Variants in EPB41L5 observed in about 807,000 individuals in gnomAD.
EPB41L5 encodes band 4.1-like protein 5.
EPB41L5 carries 55 observed loss-of-function variants against 106.6 expected under a neutral mutation model. The observed-to-expected ratio is 0.52, with a 90% CI of 0.42 to 0.65. EPB41L5 has a LOEUF of 0.65. EPB41L5 is among the 30% of genes least tolerant of loss of function. The probability of loss-of-function intolerance (pLI) is 0.00; values close to 1 mark genes in which losing one functional copy is unlikely to be tolerated. For synonymous variants in EPB41L5, 297 were observed against 306.7 expected (o/e 0.97, Z 0.33); for missense variants, 871 against 882.1 (o/e 0.99, Z 0.16).
In EPB41L5 at chr2:120,076,985, T is replaced by C; in HGVS notation, c.520T>C (p.Tyr174His). The C allele has an allele frequency of 6.2e-7, 1 of 1,602,178 alleles. No homozygotes were observed. The change falls in exon 8 of 25, where the codon TAT (tyrosine) becomes CAT (histidine). Residue 174 changes from tyrosine to histidine, a missense_variant. Tyr to His is a moderately conservative substitution (Grantham distance 83). Transcript: ENST00000263713. ...TATGTTTATAGCTGAACTTGGTGACTATGATCTTGCTGAGCATAGTCCTGA... is the reference window on the plus strand; with the variant it reads ...TATGTTTATAGCTGAACTTGGTGACCATGATCTTGCTGAGCATAGTCCTGA... ...AYNLQAELGD[Y>H]DLAEHSPELV...
chr2:120,038,414 T>A (rs980301876), intron 2 of EPB41L5, among the ~76,000 whole-genome samples: 1 of 152,236 alleles, frequency 6.6e-6, no homozygotes, highest in African/African-American at 2.4e-5. Flanking sequence ...GGAATTGTTA[T>A]ACACTTTCAG....
At chr2:120,071,848 A>T (rs1681890282) in intron 3 of EPB41L5, among the ~76,000 whole-genome samples, 1 of 152,206 alleles carries the variant, frequency 6.6e-6, no homozygotes, top group African/African-American at 2.4e-5. Flanking sequence ...CCTAGGCAGT[A>T]CCATGCAGGA....
intron 16 of EPB41L5, chr2:120,106,950 C>T: frequency 1.1e-6 from 1 of 910,600 alleles, no homozygotes; most frequent in Non-Finnish European, 1.3e-6. Flanking sequence ...TGAAAAGCAC[C>T]TAGTATACAA....
At chr2:120,146,412 A>C in intron 20 of EPB41L5, 123 bp downstream of exon 20, 1 of 661,970 alleles carries the variant, frequency 1.5e-6, no homozygotes. Context: ...AATTCACTCT[A>C]TTGTATCCAT....
intron 10 of EPB41L5, 70 bp downstream of exon 10, chr2:120,078,651 A>G (rs1056656153): frequency 4.1e-5 from 42 of 1,016,296 alleles, no homozygotes; most frequent in Admixed American, 1.4e-4. Context: ...AAGTTAATAC[A>G]TAAACAAGTT....
chr2:120,078,808 T>C (rs1344530613), intron 10 of EPB41L5, among the ~76,000 whole-genome samples: 1 of 152,194 alleles, frequency 6.6e-6, no homozygotes, highest in East Asian at 1.9e-4. Context: ...TACCACAATC[T>C]ATATCTTGAT....
intron 2 of EPB41L5, among the ~76,000 whole-genome samples, chr2:120,027,328 A>G (rs1255922739): frequency 6.6e-6 from 1 of 152,248 alleles, no homozygotes; most frequent in African/African-American, 2.4e-5. Flanking sequence ...TAAAACCTGT[A>G]ATATCCATAT....
chr2:120,052,809 A>G (rs1680376401), intron 3 of EPB41L5, among the ~76,000 whole-genome samples: 8 of 152,162 alleles, frequency 5.3e-5, no homozygotes, highest in Admixed American at 4.6e-4. Flanking sequence ...GTTTATGTTT[A>G]TTTCTCCATA....
intron 13 of EPB41L5, among the ~76,000 whole-genome samples, chr2:120,092,705 T>C (rs1272682092): frequency 1.3e-5 from 2 of 152,222 alleles, no homozygotes; most frequent in East Asian, 1.9e-4. Context: ...TTGGTGTGGC[T>C]GTAAATTAAA....
chr2:120,045,033 C>T (rs573396017), intron 3 of EPB41L5, among the ~76,000 whole-genome samples: 140 of 152,128 alleles, frequency 9.2e-4, no homozygotes, highest in Non-Finnish European at 1.4e-3. Flanking sequence ...TATTCAACCT[C>T]AGAATGAAAT....
intron 13 of EPB41L5, 149 bp downstream of exon 13, chr2:120,091,810 G>A (rs936638042): frequency 2.1e-5 from 13 of 622,664 alleles, no homozygotes; most frequent in African/African-American, 2.0e-4. Context: ...CAATTTCATG[G>A]GATACACAGA....
intron 2 of EPB41L5, among the ~76,000 whole-genome samples, chr2:120,021,686 A>G (rs1325612424): frequency 6.6e-6 from 1 of 152,204 alleles, no homozygotes; most frequent in Non-Finnish European, 1.5e-5. Context: ...GTGAAATCGT[A>G]CTTATTAACC....
intron 16 of EPB41L5, chr2:120,105,309 T>C: frequency 1.0e-6 from 1 of 958,548 alleles, no homozygotes; most frequent in Non-Finnish European, 1.2e-6. Flanking sequence ...ATTTTTAAAC[T>C]ATGTACATAG....
intron 22 of EPB41L5, among the ~76,000 whole-genome samples, chr2:120,166,541 G>A (rs1048820515): frequency 2.0e-5 from 3 of 151,890 alleles, no homozygotes; most frequent in African/African-American, 4.8e-5. Context: ...GCCTCCAAGC[G>A]ATTCTCCTGC....
chr2:120,041,131 C>T (rs139591458), intron 2 of EPB41L5, among the ~76,000 whole-genome samples: 13 of 151,986 alleles, frequency 8.6e-5, no homozygotes, highest in African/African-American at 1.5e-4. Flanking sequence ...TTTATGTTAA[C>T]GTAATATAAA....
intron 22 of EPB41L5, among the ~76,000 whole-genome samples, chr2:120,165,850 G>A (rs1044839060): frequency 2.2e-4 from 33 of 151,704 alleles, no homozygotes; most frequent in Admixed American, 6.6e-4. Context: ...CACCTGTAGC[G>A]CCAGCTACTC....
At chr2:120,117,539 G>A (rs1558887598) in intron 16 of EPB41L5, among the ~76,000 whole-genome samples, 1 of 152,136 alleles carries the variant, frequency 6.6e-6, no homozygotes, top group African/African-American at 2.4e-5. Flanking sequence ...GTATGAGAGT[G>A]CTTCTACCTC....
chr2:120,086,845 G>A (rs897218188), intron 10 of EPB41L5, among the ~76,000 whole-genome samples: 6 of 152,056 alleles, frequency 3.9e-5, no homozygotes, highest in African/African-American at 1.2e-4. Flanking sequence ...CTGCTGCTCT[G>A]CTTTAACACT....
intron 16 of EPB41L5, among the ~76,000 whole-genome samples, chr2:120,108,880 A>G (rs1684594471): frequency 6.6e-6 from 1 of 152,228 alleles, no homozygotes; most frequent in Admixed American, 6.5e-5. Context: ...TATCCAGGTT[A>G]TCACTTTGAA....
Sources: gnomAD v4.1 joint callset for allele counts (sites outside exome capture counted in the v4.1 genomes callset) on GRCh38, gnomAD v4.1.1 for gene constraint, MANE v1.5 for transcripts, NCBI Gene and HGNC (gene_info 2026-07-23, HGNC 2026-07-21) for gene names.